The following WDR1 variants were observed in gnomAD, a reference collection of about 807,000 sequenced individuals.
The protein encoded by WDR1 is WD repeat domain 1.
Under a neutral mutation model 71.9 loss-of-function variants are expected in WDR1, and 21 were observed. That is an observed-to-expected ratio of 0.29 (90% CI 0.21 to 0.42). The LOEUF is 0.42. Ranked by LOEUF, WDR1 falls within the 10% of genes least tolerant of loss-of-function variation. The pLI, the probability that WDR1 is intolerant of heterozygous loss-of-function variation, is 1.00. For missense variants in WDR1, 696 were observed against 824.5 expected, an observed-to-expected ratio of 0.84 and a Z score of 1.91; for synonymous variants, 424 against 347.4, an observed-to-expected ratio of 1.22 and a Z score of -2.45.
At chr4:10,115,232 G>C (rs1482139404) in intron 2 of WDR1, among the ~76,000 whole-genome samples, 1 of 152,246 alleles carries the variant, frequency 6.6e-6, no homozygotes, top group Non-Finnish European at 1.5e-5. Flanking sequence ...TCAGGCTGAG[G>C]AAGGGAAAAG....
chr4:10,086,053 A>C (rs933563230), intron 8 of WDR1, among the ~76,000 whole-genome samples: 8 of 152,178 alleles, frequency 5.3e-5, no homozygotes, highest in African/African-American at 1.7e-4. Flanking sequence ...CTGCCAACAG[A>C]AACGGGACGG....
chr4:10,116,755 G>C lies in WDR1; in HGVS notation c.-89C>G. 8.1e-7 allele frequency: 1 copy of C among 1,241,210 alleles called. No individual in the cohort carries two copies. Among genetic ancestry groups the C allele is most frequent in the African/African-American group, 1.6e-5 (1 of 63,580 alleles). 76.9% of individuals were successfully genotyped at this position (1,241,210 alleles called of 1,614,324 possible). A position where few individuals can be genotyped will look rare whatever the true frequency, so the allele number is the denominator to read the frequency against. ...TTACACCTCGCCGAGGCCGAGCCCG[G>C]GGACTGGAGCCGGAAGGCGGCACCG... On this transcript the variant is annotated 5_prime_UTR_variant, in exon 1 of 15. Coordinates refer to ENST00000499869, the MANE Select transcript of WDR1 (RefSeq NM_017491.5).
At chr4:10,107,274 C>A (rs1713079662) in intron 2 of WDR1, among the ~76,000 whole-genome samples, 1 of 152,214 alleles carries the variant, frequency 6.6e-6, no homozygotes, top group African/African-American at 2.4e-5. Context: ...TCAGTCCTCA[C>A]CACAGGCCTG....
chr4:10,114,240 T>C (rs1254535711), intron 2 of WDR1, among the ~76,000 whole-genome samples: 1 of 152,168 alleles, frequency 6.6e-6, no homozygotes, highest in South Asian at 2.1e-4. Flanking sequence ...GGGTAACCCC[T>C]GAGAAGAAAA....
At chr4:10,107,364 G>A (rs1713085484) in intron 2 of WDR1, among the ~76,000 whole-genome samples, 1 of 152,106 alleles carries the variant, frequency 6.6e-6, no homozygotes, top group South Asian at 2.1e-4. Context: ...GTTCTTCCTG[G>A]GAAGAGCGAT....
At chr4:10,088,243 G>A in intron 7 of WDR1, 50 bp downstream of exon 7, 2 of 1,503,648 alleles carry the variant, frequency 1.3e-6, no homozygotes, top group South Asian at 1.2e-5. Context: ...ACTGACACGT[G>A]GACTCGGCCA....
In WDR1 at chr4:10,097,766, T is replaced by C. The variant is rs1394403500; in HGVS notation, c.503A>G (p.Asp168Gly). ...TCCCTCAAAGAATGCCGCGCAGTTATCATCGCTTCCCGTGGCCAGCCGGTA... is the reference window on the plus strand; with the variant it reads ...TCCCTCAAAGAATGCCGCGCAGTTACCATCGCTTCCCGTGGCCAGCCGGTA... ...RPYRLATGSD[D>G]NCAAFFEGPP... The change falls in exon 5 of 15, where the codon GAT becomes GGT. Residue 168 changes from aspartate (D) to glycine (G), a missense_variant. Coordinates refer to ENST00000499869, the MANE Select transcript of WDR1 (RefSeq NM_017491.5). 1 of 1,613,808 alleles carries C rather than the reference T, an allele frequency of 6.2e-7. No individual in the cohort carries two copies. The highest frequency in any genetic ancestry group is 8.5e-7 in the Non-Finnish European group (1 of 1,179,800).
At chr4:10,095,384 C>A (rs1193222774) in intron 5 of WDR1, among the ~76,000 whole-genome samples, 1 of 152,250 alleles carries the variant, frequency 6.6e-6, no homozygotes, top group Non-Finnish European at 1.5e-5. Flanking sequence ...ACATCCCAGG[C>A]TTTCCGACCA....
intron 7 of WDR1, 87 bp from the exon 8 acceptor site, chr4:10,088,027 T>A (rs901607071): frequency 9.2e-6 from 12 of 1,302,224 alleles, no homozygotes; most frequent in Non-Finnish European, 1.3e-5. Context: ...CTGCGACTGT[T>A]TGAGTAGGAC....
Position 10,077,157 on chromosome 4 carries a change from G to A in WDR1, c.1714+147C>T, listed in dbSNP as rs923566439. The A allele has an allele frequency of 6.9e-6, 8 of 1,162,304 alleles. No homozygotes were observed. In the African/African-American group the frequency reaches 7.8e-5, roughly 11 times the overall value. 72.0% of individuals were successfully genotyped at this position (1,162,304 alleles called of 1,614,324 possible). A position where few individuals can be genotyped will look rare whatever the true frequency, so the allele number is the denominator to read the frequency against. The stretch of plus-strand genomic sequence containing the variant: ...CGCAGCTGGTGTTTGCTGGATGGAA[G>A]GAGACCCACAACTCTTCCGGGCCAC... On this transcript the variant is annotated intron_variant, in intron 14 of 14. Transcript: ENST00000499869.
chr4:10,098,854 G>T, intron 4 of WDR1, 138 bp downstream of exon 4: 2 of 1,274,936 alleles, frequency 1.6e-6, no homozygotes, highest in Non-Finnish European at 2.2e-6. Context: ...CCCTCACGGG[G>T]CCCGGCACCT....
chr4:10,108,327 C>T (rs965239894), intron 2 of WDR1: 5 of 152,232 alleles, frequency 3.3e-5, no homozygotes, highest in Admixed American at 6.5e-5. Flanking sequence ...GGTCTCAAGG[C>T]TTGCCACTGG....
intron 7 of WDR1, 152 bp downstream of exon 7, chr4:10,088,141 A>T (rs1444630855): frequency 2.2e-6 from 2 of 908,004 alleles, no homozygotes; most frequent in African/African-American, 1.7e-5. Flanking sequence ...CCTTATTGCG[A>T]CCTTAAAGCT....
At chr4:10,099,517 T>C (rs1164031702) in intron 3 of WDR1, among the ~76,000 whole-genome samples, 1 of 152,240 alleles carries the variant, frequency 6.6e-6, no homozygotes, top group African/African-American at 2.4e-5. Flanking sequence ...TTTCTTTTCT[T>C]GTAGGGGCAT....
chr4:10,081,272 C>T (rs1765003490), intron 11 of WDR1, 85 bp downstream of exon 11: 1 of 1,340,978 alleles, frequency 7.5e-7, no homozygotes, highest in Non-Finnish European at 1.1e-6. Flanking sequence ...GCTAGAGCAA[C>T]TGTCAAACGG....
chr4:10,075,587 G>A, intron 14 of WDR1, 103 bp from the exon 15 acceptor site: 1 of 1,105,142 alleles, frequency 9.0e-7, no homozygotes, highest in Admixed American at 2.1e-5. Flanking sequence ...TCATCTCCAG[G>A]GCCAAGAAAA....
intron 1 of WDR1, 88 bp from the exon 2 acceptor site, chr4:10,116,322 G>GC (rs1713725976): frequency 6.4e-7 from 1 of 1,570,464 alleles, no homozygotes; most frequent in Non-Finnish European, 8.7e-7. Flanking sequence ...ACCGGTCTCG[G>GC]CCGGTCACCT....
Position 10,075,659 on chromosome 4 carries a change from G to A in WDR1, c.1715-175C>T, listed in dbSNP as rs559174047. 1.6e-4 allele frequency: 102 copies of A among 641,398 alleles called. No homozygotes were observed. In the South Asian group the frequency reaches 1.8e-3, roughly 11 times the overall value. The allele number at this position is 641,398 out of a possible 1,614,324, so 39.7% of individuals were successfully genotyped here. On this transcript the variant is annotated intron_variant, in intron 14 of 14. Coordinates refer to ENST00000499869, the MANE Select transcript of WDR1 (RefSeq NM_017491.5). The stretch of plus-strand genomic sequence containing the variant: ...GTGGCAGTGTGGCTGAATTCTCCAC[G>A]TGACACTCCTGAACCCCGGGGCCGG...
At chr4:10,078,785 C>G in intron 12 of WDR1, 106 bp downstream of exon 12, 1 of 955,156 alleles carries the variant, frequency 1.0e-6, no homozygotes, top group Non-Finnish European at 1.6e-6. Context: ...CTTCCCCTGA[C>G]CCCTCGCCTT....
Sources: allele counts gnomAD v4.1 joint callset (sites outside exome capture counted in the v4.1 genomes callset), GRCh38; gene constraint gnomAD v4.1.1; transcripts MANE v1.5; gene names NCBI Gene and HGNC (gene_info 2026-07-23, HGNC 2026-07-21).